The following INPP5F variants were observed in gnomAD, a reference collection of about 807,000 sequenced individuals.
The protein encoded by INPP5F is phosphatidylinositide 4-phosphatase SAC2.
INPP5F carries 97 observed loss-of-function variants against 137.2 expected under a neutral mutation model. The ratio of observed to expected loss-of-function variants is 0.71; its 90% confidence interval spans 0.60 to 0.84. The LOEUF (loss-of-function observed/expected upper bound fraction) is 0.84, where lower values mean the gene tolerates loss of function less well. Among genes scored for constraint, INPP5F ranks in the 40% least tolerant of loss-of-function variants. The pLI is 0.00. For synonymous variants in INPP5F, 504 were observed against 476.9 expected, an observed-to-expected ratio of 1.06 and a Z score of -0.74; for missense variants, 1,271 against 1,371.9, an observed-to-expected ratio of 0.93 and a Z score of 1.16.
chr10:119,782,477 G>C (rs1168343274), intron 3 of INPP5F, among the ~76,000 whole-genome samples: 2 of 152,176 alleles, frequency 1.3e-5, no homozygotes, highest in African/African-American at 4.8e-5. Flanking sequence ...GGTGGGCCCT[G>C]TGTATTACAT....
At chr10:119,736,922 C>G (rs376728821) in intron 1 of INPP5F, among the ~76,000 whole-genome samples, 1 of 152,202 alleles carries the variant, frequency 6.6e-6, no homozygotes, top group Non-Finnish European at 1.5e-5. Context: ...CTCCTGGGCT[C>G]GGGTGATCCT....
chr10:119,758,677 A>G (rs1359957408), intron 2 of INPP5F, among the ~76,000 whole-genome samples: 2 of 152,238 alleles, frequency 1.3e-5, no homozygotes, highest in African/African-American at 4.8e-5. Context: ...GAAAATTGTC[A>G]GGAGCCTTGA....
At chr10:119,767,927 T>G (rs1849224072) in intron 2 of INPP5F, among the ~76,000 whole-genome samples, 1 of 152,202 alleles carries the variant, frequency 6.6e-6, no homozygotes, top group Admixed American at 6.5e-5. Context: ...GGTTTACATT[T>G]TTTAGTTTAG....
At chr10:119,818,161 G>A (rs1015603503) in intron 15 of INPP5F, among the ~76,000 whole-genome samples, 1 of 152,212 alleles carries the variant, frequency 6.6e-6, no homozygotes, top group Non-Finnish European at 1.5e-5. Flanking sequence ...AGACTCCATC[G>A]TGGCCAGGGC....
chr10:119,821,866 T>C (rs1229002992), intron 16 of INPP5F, among the ~76,000 whole-genome samples: 15 of 51,782 alleles, frequency 2.9e-4, no homozygotes, highest in African/African-American at 1.0e-3. Flanking sequence ...TGTAGTTGCT[T>C]TTTTTTTTTT....
In INPP5F at chr10:119,810,217, G is replaced by A; in HGVS notation, c.1687G>A (p.Asp563Asn). The A allele has an allele frequency of 6.5e-7, 1 of 1,537,384 alleles. No homozygotes were observed. The highest frequency in any genetic ancestry group is 9.0e-7 in the Non-Finnish European group (1 of 1,114,714). ...FKDAYRQAVI[D>N]LMQGIPVTED... ...GGATGCTTATAGGCAAGCTGTTATA[G>A]GTAAGAAGCAGAAAAGCTTTTCTTT... The change falls in exon 14 of 20, where the codon GAT becomes AAT. Residue 563 changes from aspartate (D) to asparagine (N), a missense_variant and splice_region_variant. By Grantham distance (23) the Asp-to-Asn change is conservative. Transcript: ENST00000650623.
chr10:119,747,689 A>G (rs1017123726), intron 1 of INPP5F, among the ~76,000 whole-genome samples: 5 of 152,312 alleles, frequency 3.3e-5, no homozygotes, highest in South Asian at 2.1e-4. Context: ...TCCAAAAGCT[A>G]TTAATTAGAG....
At chr10:119,741,588 G>A (rs996822592) in intron 1 of INPP5F, among the ~76,000 whole-genome samples, 1 of 152,146 alleles carries the variant, frequency 6.6e-6, no homozygotes, top group Non-Finnish European at 1.5e-5. Flanking sequence ...AGGCTGGAGT[G>A]CAGTGGCGTG....
intron 1 of INPP5F, among the ~76,000 whole-genome samples, chr10:119,726,894 T>C (rs113066326): frequency 2.4e-4 from 36 of 152,378 alleles, no homozygotes; most frequent in African/African-American, 7.9e-4. Flanking sequence ...GGCACTCGGT[T>C]TAAAGCCTTT....
Position 119,726,371 on chromosome 10 carries a change from G to A in INPP5F, c.97+12G>A, listed in dbSNP as rs2134091769. 3 of 1,327,114 alleles carry A rather than the reference G, an allele frequency of 2.3e-6. No individual in the cohort carries two copies. Among genetic ancestry groups the A allele is most frequent in the Non-Finnish European group, 1.9e-6 (2 of 1,033,656 alleles). The allele number at this position is 1,327,114 out of a possible 1,614,324, so 82.2% of individuals were successfully genotyped here. On this transcript the variant is annotated intron_variant, in intron 1 of 19. Transcript: ENST00000650623. ...CCAGCTCCGACCCGGTGAGGCTGGC[G>A]GTGCGGGCGGGGGGCACCCCGGGCC... is the stretch of plus-strand genomic sequence containing the variant.
intron 15 of INPP5F, among the ~76,000 whole-genome samples, chr10:119,818,472 A>G (rs944367545): frequency 6.6e-6 from 1 of 152,148 alleles, no homozygotes; most frequent in Non-Finnish European, 1.5e-5. Flanking sequence ...CCGGCCCGCC[A>G]GCGCCCCCCT....
At chr10:119,811,625 C>T in intron 14 of INPP5F, 132 bp from the exon 15 acceptor site, 1 of 687,794 alleles carries the variant, frequency 1.5e-6, no homozygotes, top group Non-Finnish European at 2.4e-6. Context: ...CATGCCTAAT[C>T]CAAGGTTACA....
intron 2 of INPP5F, among the ~76,000 whole-genome samples, chr10:119,753,436 C>G (rs1382693943): frequency 6.6e-6 from 1 of 152,176 alleles, no homozygotes; most frequent in African/African-American, 2.4e-5. Flanking sequence ...TCTCATGATT[C>G]TATGGGTTGA....
intron 2 of INPP5F, among the ~76,000 whole-genome samples, chr10:119,766,644 C>G (rs751148453): frequency 2.0e-5 from 3 of 152,102 alleles, no homozygotes; most frequent in Non-Finnish European, 4.4e-5. Flanking sequence ...ACATTAAATT[C>G]AAAGGCATGT....
intron 1 of INPP5F, among the ~76,000 whole-genome samples, chr10:119,736,218 C>T (rs1209385358): frequency 6.6e-6 from 1 of 152,062 alleles, no homozygotes; most frequent in Non-Finnish European, 1.5e-5. Flanking sequence ...AATGCATCAC[C>T]CAAGGATTTA....
chr10:119,765,321 A>G (rs1202752523), intron 2 of INPP5F, among the ~76,000 whole-genome samples: 1 of 152,138 alleles, frequency 6.6e-6, no homozygotes, highest in Middle Eastern at 3.2e-3. Flanking sequence ...GCTTCTAATC[A>G]GTAGTAGGCT....
chr10:119,764,072 A>G (rs934060066), intron 2 of INPP5F, among the ~76,000 whole-genome samples: 59 of 152,178 alleles, frequency 3.9e-4, no homozygotes, highest in African/African-American at 1.4e-3. Context: ...CTCTGAGAAG[A>G]TTGAGGCTTT....
At chr10:119,744,875 C>T (rs1337834928) in intron 1 of INPP5F, among the ~76,000 whole-genome samples, 1 of 152,190 alleles carries the variant, frequency 6.6e-6, no homozygotes, top group Non-Finnish European at 1.5e-5. Flanking sequence ...CCAGTTATTT[C>T]TTCTTGATCA....
chr10:119,766,055 A>G (rs1211239681), intron 2 of INPP5F, among the ~76,000 whole-genome samples: 1 of 151,972 alleles, frequency 6.6e-6, no homozygotes, highest in Non-Finnish European at 1.5e-5. Flanking sequence ...CAAGCCCAAA[A>G]ACTGAGAATC....
Sources: gnomAD v4.1 joint callset for allele counts (sites outside exome capture counted in the v4.1 genomes callset) on GRCh38, gnomAD v4.1.1 for gene constraint, MANE v1.5 for transcripts, NCBI Gene and HGNC (gene_info 2026-07-23, HGNC 2026-07-21) for gene names.